The following PLCB4 variants were observed in gnomAD, a reference collection of about 807,000 sequenced individuals.
The protein encoded by PLCB4 is phospholipase C beta 4.
In PLCB4, 77 loss-of-function variants were observed where a neutral mutation model predicts 178.8. That is an observed-to-expected ratio of 0.43 (90% CI 0.36 to 0.52). The LOEUF is 0.52. PLCB4 is among the 20% of genes least tolerant of loss of function. The probability of loss-of-function intolerance (pLI) is 0.00; values close to 1 mark genes in which losing one functional copy is unlikely to be tolerated. For synonymous variants in PLCB4, 496 were observed against 490.8 expected, an observed-to-expected ratio of 1.01 and a Z score of -0.14; for missense variants, 1,024 against 1,453.4, an observed-to-expected ratio of 0.70 and a Z score of 4.80.
At chr20:9,378,098 A>G (rs2036827798) in intron 12 of PLCB4, among the ~76,000 whole-genome samples, 1 of 152,130 alleles carries the variant, frequency 6.6e-6, no homozygotes, top group East Asian at 1.9e-4. Flanking sequence ...ATGTATGTAT[A>G]TTTTAAAATG....
intron 32 of PLCB4, among the ~76,000 whole-genome samples, chr20:9,451,368 C>T (rs1434159712): frequency 6.6e-6 from 1 of 152,192 alleles, no homozygotes; most frequent in African/African-American, 2.4e-5. Context: ...ATAGCCTTCA[C>T]CCTCCTTTCA....
chr20:9,336,720 G>C (rs1358927790), intron 4 of PLCB4, among the ~76,000 whole-genome samples: 2 of 146,150 alleles, frequency 1.4e-5, no homozygotes, highest in Non-Finnish European at 3.0e-5. Flanking sequence ...CTGAATGCTA[G>C]ATTTTACAGA....
At chr20:9,386,246 G>A (rs371514723) in intron 14 of PLCB4, among the ~76,000 whole-genome samples, 24 of 151,410 alleles carry the variant, frequency 1.6e-4, no homozygotes, top group African/African-American at 5.3e-4. Context: ...GAGGGAGACC[G>A]AAGAAAGGAG....
At chr20:9,106,266 T>TG (rs2091357610) in intron 2 of PLCB4, among the ~76,000 whole-genome samples, 1 of 151,862 alleles carries the variant, frequency 6.6e-6, no homozygotes, top group East Asian at 1.9e-4. Flanking sequence ...AAAGTAATTG[T>TG]GGTTTTTTGC....
chr20:9,233,281 T>A (rs1039158609), intron 3 of PLCB4, among the ~76,000 whole-genome samples: 2 of 152,018 alleles, frequency 1.3e-5, no homozygotes, highest in Non-Finnish European at 2.9e-5. Context: ...TTTTTTGTAA[T>A]TTTTTTTCTG....
chr20:9,468,518 A>G, intron 35 of PLCB4, 53 bp from the exon 36 acceptor site: 1 of 1,103,460 alleles, frequency 9.1e-7, no homozygotes. Context: ...TACCCATTAA[A>G]CACAAACTCT....
chr20:9,352,606 C>T (rs544689987), intron 7 of PLCB4, among the ~76,000 whole-genome samples: 1 of 152,300 alleles, frequency 6.6e-6, no homozygotes, highest in African/African-American at 2.4e-5. Flanking sequence ...ACCAGCAAGG[C>T]TGATAGACTG....
At chr20:9,402,876 A>G (rs574300414) in intron 20 of PLCB4, among the ~76,000 whole-genome samples, 2 of 152,334 alleles carry the variant, frequency 1.3e-5, no homozygotes, top group Non-Finnish European at 2.9e-5. Flanking sequence ...TGGGATGACT[A>G]TTTGAGATGC....
chr20:9,161,666 T>C (rs1298425327), intron 2 of PLCB4, among the ~76,000 whole-genome samples: 3 of 152,240 alleles, frequency 2.0e-5, no homozygotes, highest in Non-Finnish European at 2.9e-5. Flanking sequence ...TTCTGAATAA[T>C]ACCCAGCATT....
At position 9,311,033 on chromosome 20, in the gene PLCB4, T is replaced by A. The variant is rs181538992; in HGVS notation, c.84+3135T>A. On this transcript the variant is annotated intron_variant, in intron 4 of 39. Transcript: ENST00000378473. ...CCTAAGTGATGCTTAACATTAAATC[T>A]TTAAAAGACAGATTCGTCTCTTGTG... is the stretch of plus-strand genomic sequence containing the variant. Among the ~76,000 whole-genome samples the A allele has an allele frequency of 2.0e-5, 3 of 152,350 alleles. No homozygotes were observed. The South Asian group carries it at 6.2e-4, about 32-fold the overall frequency.
At chr20:9,164,596 A>C (rs1273116730) in intron 2 of PLCB4, among the ~76,000 whole-genome samples, 1 of 152,206 alleles carries the variant, frequency 6.6e-6, no homozygotes, top group African/African-American at 2.4e-5. Flanking sequence ...AAGCATTAGA[A>C]GAGTATAACT....
intron 7 of PLCB4, among the ~76,000 whole-genome samples, chr20:9,354,840 G>A (rs570062998): frequency 2.8e-4 from 42 of 152,266 alleles, no homozygotes; most frequent in Non-Finnish European, 5.0e-4. Context: ...CAACTCTGTG[G>A]TTCACAAATG....
At chr20:9,291,579 T>C (rs1463529832) in intron 3 of PLCB4, among the ~76,000 whole-genome samples, 1 of 152,164 alleles carries the variant, frequency 6.6e-6, no homozygotes, top group Non-Finnish European at 1.5e-5. Flanking sequence ...TATAAAAAAA[T>C]TAAATCAACC....
At chr20:9,240,748 G>T (rs902293932) in intron 3 of PLCB4, among the ~76,000 whole-genome samples, 3 of 151,774 alleles carry the variant, frequency 2.0e-5, no homozygotes, top group Admixed American at 6.6e-5. Context: ...CTTCTCTTTG[G>T]TTATCTGTCA....
At chr20:9,192,953 G>T (rs75054763) in intron 2 of PLCB4, among the ~76,000 whole-genome samples, 6,820 of 152,208 alleles carry the variant, frequency 0.045, 226 homozygotes, top group East Asian at 0.17. Context: ...GCCCCTCTCA[G>T]AATCTATGTT....
chr20:9,223,010 T>C (rs2093818399), intron 3 of PLCB4, among the ~76,000 whole-genome samples: 1 of 152,172 alleles, frequency 6.6e-6, no homozygotes, highest in South Asian at 2.1e-4. Flanking sequence ...ATTAAAACAT[T>C]TAGGTTTGGC....
chr20:9,083,818 C>G (rs1325437200), intron 1 of PLCB4, among the ~76,000 whole-genome samples: 1 of 152,118 alleles, frequency 6.6e-6, no homozygotes, highest in Non-Finnish European at 1.5e-5. Context: ...GTCGTCAAGC[C>G]AAAGAGAGAG....
At chr20:9,149,787 C>G (rs866794513) in intron 2 of PLCB4, among the ~76,000 whole-genome samples, 1 of 152,124 alleles carries the variant, frequency 6.6e-6, no homozygotes, top group Non-Finnish European at 1.5e-5. Context: ...TCCTGGGAAA[C>G]AAACTCCCAA....
At chr20:9,278,283 C>T (rs2094466879) in intron 3 of PLCB4, among the ~76,000 whole-genome samples, 2 of 151,996 alleles carry the variant, frequency 1.3e-5, no homozygotes. Flanking sequence ...CATTTTTATG[C>T]TAGTGTATTT....
Sources: gnomAD v4.1 joint callset for allele counts (sites outside exome capture counted in the v4.1 genomes callset) on GRCh38, gnomAD v4.1.1 for gene constraint, MANE v1.5 for transcripts, NCBI Gene and HGNC (gene_info 2026-07-23, HGNC 2026-07-21) for gene names.